UBA6: variants seen among roughly 807,000 people sequenced by gnomAD.
UBA6 encodes the protein ubiquitin-like modifier-activating enzyme 6.
In UBA6, 87 loss-of-function variants were observed where a neutral mutation model predicts 148.3. That is an observed-to-expected ratio of 0.59 (90% CI 0.49 to 0.70). The LOEUF is 0.70. UBA6 is among the 30% of genes least tolerant of loss of function. The pLI is 0.00. For synonymous variants in UBA6, 376 were observed against 401.0 expected (o/e 0.94, Z 0.75); for missense variants, 1,186 against 1,241.2 (o/e 0.96, Z 0.67).
intron 28 of UBA6, among the ~76,000 whole-genome samples, chr4:67,625,396 T>TAA (rs397878989): frequency 6.6e-4 from 93 of 141,214 alleles, no homozygotes; most frequent in South Asian, 3.6e-3. Context: ...TTTTTTTAAT[T>TAA]AAAAAAAAAA....
chr4:67,697,964 A>G (rs1367009716), intron 1 of UBA6, among the ~76,000 whole-genome samples: 3 of 152,154 alleles, frequency 2.0e-5, no homozygotes, highest in African/African-American at 4.8e-5. Flanking sequence ...GAGAGGGCCA[A>G]TGTGTCCTGT....
At chr4:67,691,164 T>A (rs1730685484) in intron 2 of UBA6, among the ~76,000 whole-genome samples, 1 of 152,144 alleles carries the variant, frequency 6.6e-6, no homozygotes. Flanking sequence ...GGATGAACTT[T>A]GTAGCCTAGA....
At chr4:67,635,397 G>A (rs765932687) in intron 20 of UBA6, 56 bp downstream of exon 20, 241 of 1,130,902 alleles carry the variant, frequency 2.1e-4, no homozygotes, top group Non-Finnish European at 3.0e-4. Flanking sequence ...TGTTGATTAA[G>A]ACAAAAATTA....
intron 9 of UBA6, among the ~76,000 whole-genome samples, chr4:67,667,750 A>C (rs527901532): frequency 6.6e-6 from 1 of 152,254 alleles, no homozygotes; most frequent in Admixed American, 6.5e-5. Flanking sequence ...AATGGGCCCT[A>C]TATGATGCCT....
chr4:67,619,263 C>T (rs1012997571), intron 32 of UBA6, 131 bp from the exon 33 acceptor site: 4 of 669,586 alleles, frequency 6.0e-6, no homozygotes, highest in Non-Finnish European at 5.0e-6. Flanking sequence ...TCTGCTTTCA[C>T]ATATTCATTT....
chr4:67,634,721 T>C (rs1054570742), intron 20 of UBA6, among the ~76,000 whole-genome samples: 2 of 152,120 alleles, frequency 1.3e-5, no homozygotes, highest in African/African-American at 4.8e-5. Context: ...AGCTATGTAA[T>C]GCCAAACATG....
In UBA6 at chr4:67,649,069, C is replaced by T; in HGVS notation, c.1247G>A (p.Trp416Ter). Residue 416 changes from tryptophan (W) to a stop codon, truncating the protein, a stop_gained and splice_region_variant, in exon 14 of 33, where the codon TGG becomes TAG. Transcript: ENST00000322244. LOFTEE classifies it high-confidence loss of function. ...CAACTTTAAAAACTCAGAACTAACC[C>T]ACTGGCACAAAGGAGAAAATTTTCC... ...VTGKFSPLCQ[W>*]LYLEAADIVE... 6.2e-7 allele frequency: 1 copy of T among 1,612,952 alleles called. No homozygotes were observed. Among genetic ancestry groups the T allele is most frequent in the Non-Finnish European group, 8.5e-7 (1 of 1,179,614 alleles).
At chr4:67,636,218 A>C (rs1200982888) in intron 19 of UBA6, among the ~76,000 whole-genome samples, 1 of 152,236 alleles carries the variant, frequency 6.6e-6, no homozygotes, top group Non-Finnish European at 1.5e-5. Context: ...TGAATGATTT[A>C]GTGAGGACAC....
chr4:67,649,337 T>A, intron 13 of UBA6, 126 bp from the exon 14 acceptor site: 1 of 896,144 alleles, frequency 1.1e-6, no homozygotes, highest in Non-Finnish European at 1.6e-6. Context: ...CCCTACTAAA[T>A]ATCTCTAAAA....
chr4:67,693,169 C>T (rs895811286), intron 2 of UBA6, among the ~76,000 whole-genome samples: 4 of 152,072 alleles, frequency 2.6e-5, no homozygotes, highest in Non-Finnish European at 4.4e-5. Flanking sequence ...AAACCAACTC[C>T]TCCCCTTCCT....
chr4:67,625,759 T>C (rs1728852190), intron 28 of UBA6, among the ~76,000 whole-genome samples: 1 of 151,986 alleles, frequency 6.6e-6, no homozygotes, highest in Non-Finnish European at 1.5e-5. Flanking sequence ...ACCACTGATT[T>C]ATAAAACTAA....
intron 23 of UBA6, among the ~76,000 whole-genome samples, chr4:67,632,641 T>C (rs904274020): frequency 2.0e-5 from 3 of 152,176 alleles, no homozygotes; most frequent in African/African-American, 4.8e-5. Context: ...CATTGAGTAG[T>C]ACAGACCACT....
At chr4:67,634,203 C>A (rs1349989261) in intron 22 of UBA6, 39 bp downstream of exon 22, 1 of 1,378,010 alleles carries the variant, frequency 7.3e-7, no homozygotes, top group Non-Finnish European at 1.0e-6. Flanking sequence ...TACACTGACA[C>A]AAAGTGTTAA....
chr4:67,696,868 T>A (rs753337731), intron 1 of UBA6, among the ~76,000 whole-genome samples, 161 bp from the exon 2 acceptor site: 8 of 152,242 alleles, frequency 5.3e-5, no homozygotes, highest in Non-Finnish European at 1.0e-4. Context: ...TGAAATTAAA[T>A]TATCGGATTG....
intron 12 of UBA6, chr4:67,662,620 C>T (rs573317061): frequency 4.0e-4 from 77 of 191,624 alleles, no homozygotes; most frequent in Non-Finnish European, 7.6e-4. Context: ...TGCACCACCA[C>T]GCCTGGTAAT....
At chr4:67,645,152 A>G (rs1729393562) in intron 16 of UBA6, among the ~76,000 whole-genome samples, 1 of 152,228 alleles carries the variant, frequency 6.6e-6, no homozygotes, top group Non-Finnish European at 1.5e-5. Flanking sequence ...AAAGCTCAGT[A>G]ACAGTTGATT....
intron 27 of UBA6, 134 bp downstream of exon 27, chr4:67,628,937 C>A: frequency 3.0e-6 from 2 of 672,680 alleles, no homozygotes; most frequent in Non-Finnish European, 5.3e-6. Context: ...GACAAATCTA[C>A]TTCAAACTCA....
In UBA6 at chr4:67,635,578, G is replaced by A. The variant is rs1235288673; in HGVS notation, c.1737-20C>T. ...CAACGACTATTTGAAAAGACAGCAA[G>A]TAAAAAACAAAAAAGTGAGCAATAA... On this transcript the variant is annotated intron_variant, in intron 19 of 32. Coordinates refer to ENST00000322244, the MANE Select transcript of UBA6 (RefSeq NM_018227.6). 6.0e-6 allele frequency: 9 copies of A among 1,511,720 alleles called. No homozygotes were observed. In the Admixed American group the frequency reaches 6.9e-5, roughly 12 times the overall value. 93.6% of individuals were successfully genotyped at this position (1,511,720 alleles called of 1,614,324 possible). A position where few individuals can be genotyped will look rare whatever the true frequency, so the allele number is the denominator to read the frequency against.
rs897325244 is a variant in UBA6, at chr4:67,618,445, A to G, written c.*552T>C. 2.0e-5 allele frequency: 3 copies of G among 152,770 alleles called. No individual in the cohort carries two copies. Among genetic ancestry groups the G allele is most frequent in the Admixed American group, 1.3e-4 (2 of 15,276 alleles). The allele number at this position is 152,770 out of a possible 1,614,324, so 9.5% of individuals were successfully genotyped here. On this transcript the variant is annotated 3_prime_UTR_variant, in exon 33 of 33. Coordinates refer to ENST00000322244, the MANE Select transcript of UBA6 (RefSeq NM_018227.6). ...ACAAACTGGTTAAACGAGCAGAGGTAATAGGACAGTAAACTGTAACTGCAC... is the reference window on the plus strand; with the variant it reads ...ACAAACTGGTTAAACGAGCAGAGGTGATAGGACAGTAAACTGTAACTGCAC...
Sources: gnomAD v4.1 joint callset for allele counts (sites outside exome capture counted in the v4.1 genomes callset) on GRCh38, gnomAD v4.1.1 for gene constraint, MANE v1.5 for transcripts, NCBI Gene and HGNC (gene_info 2026-07-23, HGNC 2026-07-21) for gene names.